ORC4: variants seen among roughly 807,000 people sequenced by gnomAD.
ORC4 encodes origin recognition complex subunit 4.
Under a neutral mutation model 63.9 loss-of-function variants are expected in ORC4, and 55 were observed. The observed-to-expected ratio is 0.86, with a 90% CI of 0.69 to 1.08. ORC4 has a LOEUF of 1.08. ORC4 is among the 50% of genes least tolerant of loss of function. The pLI is 0.00. For synonymous variants in ORC4, 150 were observed against 168.5 expected, an observed-to-expected ratio of 0.89 and a Z score of 0.85; for missense variants, 511 against 504.4, an observed-to-expected ratio of 1.01 and a Z score of -0.13.
intron 1 of ORC4, chr2:147,981,798 T>C (rs1419062312): frequency 6.6e-6 from 1 of 152,190 alleles, no homozygotes; most frequent in African/African-American, 2.4e-5. Context: ...TCTTATGAAA[T>C]TGTTACGTAT....
chr2:147,949,294 T>C (rs971241549), intron 8 of ORC4, among the ~76,000 whole-genome samples: 20 of 152,102 alleles, frequency 1.3e-4, no homozygotes, highest in African/African-American at 4.3e-4. Context: ...AGGGCTGATA[T>C]ATGCTGTAAC....
Position 147,982,912 on chromosome 2 carries a change from T to C in ORC4, c.-17-6937A>G, listed in dbSNP as rs144399501. On this transcript the variant is annotated intron_variant, in intron 1 of 13. Coordinates refer to ENST00000392857, the MANE Select transcript of ORC4 (RefSeq NM_181741.4). ...ATAAAAAAGGAATCCCATTAGAAAATAGGCAAAATACATAAGTAGACATTT... is the reference window on the plus strand; with the variant it reads ...ATAAAAAAGGAATCCCATTAGAAAACAGGCAAAATACATAAGTAGACATTT... Among the ~76,000 whole-genome samples the C allele has an allele frequency of 1.7e-3, 260 of 152,052 alleles. 2 individuals are homozygous for C. The highest frequency in any genetic ancestry group is 6.0e-3 in the African/African-American group (248 of 41,484).
At chr2:147,944,576 C>G (rs17231980) in intron 9 of ORC4, among the ~76,000 whole-genome samples, 20 of 151,782 alleles carry the variant, frequency 1.3e-4, no homozygotes, top group Non-Finnish European at 1.9e-4. Flanking sequence ...GTGAGGAACA[C>G]TGGCATTGAA....
intron 1 of ORC4, among the ~76,000 whole-genome samples, chr2:147,997,999 C>A (rs181576261): frequency 2.0e-5 from 3 of 152,152 alleles, no homozygotes; most frequent in East Asian, 1.9e-4. Context: ...TAAAAAAACA[C>A]CAAAGTCTAA....
chr2:148,016,227 C>T (rs958891078), intron 1 of ORC4, among the ~76,000 whole-genome samples: 1 of 152,118 alleles, frequency 6.6e-6, no homozygotes, highest in African/African-American at 2.4e-5. Flanking sequence ...TTTTATATGA[C>T]AAGCAATGAC....
At chr2:147,988,308 T>C (rs1216024559) in intron 1 of ORC4, among the ~76,000 whole-genome samples, 1 of 151,700 alleles carries the variant, frequency 6.6e-6, no homozygotes, top group East Asian at 1.9e-4. Context: ...TAATACACAA[T>C]GTAGGTATAT....
At chr2:147,943,062 C>T (rs1573752418) in intron 10 of ORC4, among the ~76,000 whole-genome samples, 3 of 152,012 alleles carry the variant, frequency 2.0e-5, no homozygotes, top group South Asian at 4.1e-4. Flanking sequence ...TAAATAAGTA[C>T]ATCATCTGTG....
At position 147,954,852 on chromosome 2, in the gene ORC4, T is replaced by C. The variant is rs1380918905; in HGVS notation, c.436+495A>G. Among the ~76,000 whole-genome samples, 7 of 152,136 alleles carry C rather than the reference T, an allele frequency of 4.6e-5. No homozygotes were observed. The East Asian group carries it at 5.8e-4, about 13-fold the overall frequency. ...CAAATATTTTTACAAATTAAACCTTTAGGGTAGTTTTTAAATGTTAAAGAT... is the reference window on the plus strand; with the variant it reads ...CAAATATTTTTACAAATTAAACCTTCAGGGTAGTTTTTAAATGTTAAAGAT... On this transcript the variant is annotated intron_variant, in intron 7 of 13. Coordinates refer to ENST00000392857, the MANE Select transcript of ORC4 (RefSeq NM_181741.4).
At chr2:148,013,744 T>TA (rs904832838) in intron 1 of ORC4, among the ~76,000 whole-genome samples, 8 of 152,234 alleles carry the variant, frequency 5.3e-5, no homozygotes, top group African/African-American at 1.9e-4. Flanking sequence ...TGAGTTAAGT[T>TA]AAAAAAATTT....
At chr2:147,951,903 T>C (rs558785214) in intron 8 of ORC4, among the ~76,000 whole-genome samples, 1 of 152,326 alleles carries the variant, frequency 6.6e-6, no homozygotes, top group African/African-American at 2.4e-5. Flanking sequence ...AAATATCCCA[T>C]GGAATGAAGA....
chr2:147,940,589 T>A (rs1688313814), intron 10 of ORC4, among the ~76,000 whole-genome samples: 1 of 151,884 alleles, frequency 6.6e-6, no homozygotes, highest in East Asian at 1.9e-4. Flanking sequence ...ACTATGGATA[T>A]GGATAAAGAA....
At position 147,934,970 on chromosome 2, in the gene ORC4, A is replaced by G. The variant is rs1428457100; in HGVS notation, c.*540T>C. 1 of 154,404 alleles carries G rather than the reference A, an allele frequency of 6.5e-6. No individual in the cohort carries two copies. The highest frequency in any genetic ancestry group is 6.4e-5 in the Admixed American group (1 of 15,670). The allele number at this position is 154,404 out of a possible 1,614,324, so 9.6% of individuals were successfully genotyped here. On this transcript the variant is annotated 3_prime_UTR_variant, in exon 14 of 14. Transcript: ENST00000392857. ...ACATTTTGAGATGTCTAGAAGAAAAATCTTCAAACTCCTTGGCCTTTTTCT... is the reference window on the plus strand; with the variant it reads ...ACATTTTGAGATGTCTAGAAGAAAAGTCTTCAAACTCCTTGGCCTTTTTCT...
intron 1 of ORC4, among the ~76,000 whole-genome samples, chr2:147,996,202 G>A (rs1244469182): frequency 1.3e-5 from 2 of 152,100 alleles, no homozygotes; most frequent in African/African-American, 4.8e-5. Context: ...TACTTGGGAG[G>A]CTGAGGCAGG....
intron 1 of ORC4, among the ~76,000 whole-genome samples, chr2:148,002,861 C>T (rs928253383): frequency 5.9e-5 from 9 of 151,904 alleles, no homozygotes; most frequent in African/African-American, 1.2e-4. Context: ...ATAGGTAGAC[C>T]GCTAGCCAGA....
At chr2:147,998,518 C>T (rs1000704012) in intron 1 of ORC4, among the ~76,000 whole-genome samples, 3 of 152,162 alleles carry the variant, frequency 2.0e-5, no homozygotes, top group African/African-American at 7.2e-5. Context: ...ACTATGCACT[C>T]CTCAGATTTT....
intron 1 of ORC4, among the ~76,000 whole-genome samples, chr2:147,993,904 C>T (rs557198870): frequency 1.6e-4 from 24 of 152,210 alleles, no homozygotes; most frequent in Non-Finnish European, 3.2e-4. Context: ...TCTTTATATA[C>T]CTTTTCTCAT....
At chr2:148,004,049 T>A (rs963386078) in intron 1 of ORC4, among the ~76,000 whole-genome samples, 3 of 152,082 alleles carry the variant, frequency 2.0e-5, no homozygotes, top group East Asian at 1.9e-4. Flanking sequence ...ATACAACTTA[T>A]AAGGGATGTG....
chr2:148,014,929 C>A (rs562550978), intron 1 of ORC4, among the ~76,000 whole-genome samples: 1 of 152,018 alleles, frequency 6.6e-6, no homozygotes, highest in Non-Finnish European at 1.5e-5. Context: ...AGCAACTATA[C>A]TAGGCCAATA....
intron 7 of ORC4, among the ~76,000 whole-genome samples, chr2:147,952,840 A>T (rs1689037247): frequency 6.6e-6 from 1 of 151,644 alleles, no homozygotes; most frequent in African/African-American, 2.4e-5. Flanking sequence ...CAGCCTGACA[A>T]ACATGGAGAA....
Sources: gnomAD v4.1 joint callset for allele counts (sites outside exome capture counted in the v4.1 genomes callset) on GRCh38, gnomAD v4.1.1 for gene constraint, MANE v1.5 for transcripts, NCBI Gene and HGNC (gene_info 2026-07-23, HGNC 2026-07-21) for gene names.